Variants in PARP14 observed in about 807,000 individuals in gnomAD.
The protein encoded by PARP14 is protein mono-ADP-ribosyltransferase PARP14.
A neutral mutation model predicts 154.2 loss-of-function variants in PARP14; 59 were observed. The ratio of observed to expected loss-of-function variants is 0.38; its 90% CI spans 0.31 to 0.48. The LOEUF (loss-of-function observed/expected upper bound fraction) is 0.48. Ranked by LOEUF, PARP14 falls within the 20% of genes least tolerant of loss-of-function variation. The pLI, the probability that PARP14 is intolerant of heterozygous loss-of-function variation, is 0.98. For synonymous variants in PARP14, 720 were observed against 780.5 expected, an observed-to-expected ratio of 0.92 and a Z score of 1.29; for missense variants, 1,734 against 2,131.6, an observed-to-expected ratio of 0.81 and a Z score of 3.67.
At chr3:122,692,592 T>A (rs758937652) in intron 4 of PARP14, 49 bp downstream of exon 4, 6 of 1,515,022 alleles carry the variant, frequency 4.0e-6, no homozygotes, top group Non-Finnish European at 5.4e-6. Context: ...TACCACATCA[T>A]GAGACTTGAG....
rs1048817912 is a variant in PARP14, at chr3:122,700,048, G to T, written c.1494G>T (p.Glu498Asp). Residue 498 changes from glutamate to aspartate, a missense_variant, in exon 6 of 17, where the codon GAG (glutamate) becomes GAT (aspartate). Coordinates refer to ENST00000474629, the MANE Select transcript of PARP14 (RefSeq NM_017554.3). ...TACTCACGGAGTGCCCAGAGATAGA[G>T]ATTTGTTACGATAGAGTCACTCAAC... Reference protein sequence around the residue: ...DHLLTECPEIEICYDRVTQHL... With the variant: ...DHLLTECPEIDICYDRVTQHL... 6.2e-7 allele frequency: 1 copy of T among 1,613,944 alleles called. No homozygotes were observed. Among genetic ancestry groups the T allele is most frequent in the Non-Finnish European group, 8.5e-7 (1 of 1,179,850 alleles).
intron 9 of PARP14, among the ~76,000 whole-genome samples, chr3:122,709,417 G>A (rs1939253344): frequency 6.6e-6 from 1 of 152,154 alleles, no homozygotes; most frequent in Non-Finnish European, 1.5e-5. Context: ...GTATTCCATA[G>A]TGTATATACA....
At chr3:122,713,599 A>G (rs1576597209) in intron 10 of PARP14, 26 bp downstream of exon 10, 1 of 1,602,306 alleles carries the variant, frequency 6.2e-7, no homozygotes, top group East Asian at 2.2e-5. Flanking sequence ...TGATGAGTGC[A>G]ATAGTTAATG....
intron 8 of PARP14, among the ~76,000 whole-genome samples, chr3:122,706,287 A>G (rs1475186911): frequency 6.6e-6 from 1 of 152,152 alleles, no homozygotes; most frequent in Non-Finnish European, 1.5e-5. Context: ...TAGACTTTTA[A>G]AGACAGTTAA....
chr3:122,715,707 C>T (rs1197534401), intron 12 of PARP14, among the ~76,000 whole-genome samples: 1 of 151,920 alleles, frequency 6.6e-6, no homozygotes, highest in Admixed American at 6.6e-5. Context: ...TTTATGGACA[C>T]CCACCAATGA....
intron 4 of PARP14, among the ~76,000 whole-genome samples, chr3:122,692,875 C>T (rs1178018971): frequency 1.3e-5 from 2 of 152,044 alleles, no homozygotes; most frequent in African/African-American, 2.4e-5. Context: ...GTACAGGAGT[C>T]GGCTTTTTCA....
In PARP14 at chr3:122,704,577, C is replaced by T; in HGVS notation, c.3369C>T (p.Ser1123=). The T allele has an allele frequency of 1.2e-6, 2 of 1,609,226 alleles. No homozygotes were observed. Among genetic ancestry groups the T allele is most frequent in the Non-Finnish European group, 1.7e-6 (2 of 1,177,610 alleles). The change falls in exon 8 of 17, where the codon TCC becomes TCT. Residue 1123 remains serine (S), a synonymous_variant. Transcript: ENST00000474629. The stretch of plus-strand genomic sequence containing the variant: ...GTATGGAGATCACTGAGAGCTTGTC[C>T]TTAAAATCAATTGCATTTCCAGCAA... ...RECMEITESL[S]LKSIAFPAIG... is the part of the protein sequence containing the mutation.
Position 122,703,776 on chromosome 3 carries a change from TC to T in PARP14, c.3117del (p.Val1040CysfsTer54). 2 of 1,612,438 alleles carry T rather than the reference TC, an allele frequency of 1.2e-6. No individual in the cohort carries two copies. The highest frequency in any genetic ancestry group is 8.5e-7 in the Non-Finnish European group (1 of 1,178,970). Reference sequence around the variant, plus strand: ...GTTGTCAACTCCGTTCCCTTGGATCTCGTGCTTAGTAGAGGGCCTCTTTCTA... The same window carrying T: ...GTTGTCAACTCCGTTCCCTTGGATCTGTGCTTAGTAGAGGGCCTCTTTCTA... ...DVVVNSVPLD[L>X]VLSRGPLSKS... is the part of the protein sequence containing the mutation. On this transcript the variant is annotated frameshift_variant, in exon 7 of 17. Transcript: ENST00000474629. LOFTEE classifies it high-confidence loss of function.
At chr3:122,725,127 G>A (rs532166224) in intron 15 of PARP14, among the ~76,000 whole-genome samples, 6 of 152,052 alleles carry the variant, frequency 3.9e-5, no homozygotes, top group Non-Finnish European at 7.4e-5. Flanking sequence ...AACTGCCATC[G>A]TCATCATGGC....
intron 3 of PARP14, among the ~76,000 whole-genome samples, chr3:122,688,423 GT>G (rs1324194215): frequency 1.3e-5 from 2 of 152,216 alleles, no homozygotes; most frequent in Admixed American, 6.5e-5. Flanking sequence ...GAAAGCCCCA[GT>G]CCCCTTCCAC....
chr3:122,687,509 T>C (rs1938410380), intron 3 of PARP14, among the ~76,000 whole-genome samples: 1 of 152,188 alleles, frequency 6.6e-6, no homozygotes, highest in Non-Finnish European at 1.5e-5. Flanking sequence ...GCACTGGGTG[T>C]GAGGGTGCTG....
At chr3:122,711,156 G>A (rs1170767436) in intron 9 of PARP14, among the ~76,000 whole-genome samples, 1 of 152,106 alleles carries the variant, frequency 6.6e-6, no homozygotes, top group African/African-American at 2.4e-5. Context: ...GGGCATCCTT[G>A]TCTTGTTCCA....
chr3:122,695,728 T>C (rs1266186231), intron 5 of PARP14, 66 bp downstream of exon 5: 1 of 725,434 alleles, frequency 1.4e-6, no homozygotes, highest in Non-Finnish European at 2.4e-6. Context: ...TTAATAGTTA[T>C]AAATTTAGTT....
rs1379277210 is a variant in PARP14 at position 122,704,512 on chromosome 3, C to G, written c.3319-15C>G. ...TCTAGACAAGATGTATAAGGATGTGCTTTGTGCGTTTCAGATAATGGAAGA... is the reference window on the plus strand; with the variant it reads ...TCTAGACAAGATGTATAAGGATGTGGTTTGTGCGTTTCAGATAATGGAAGA... On this transcript the variant is annotated splice_polypyrimidine_tract_variant and intron_variant, in intron 7 of 16. Transcript: ENST00000474629. The G allele has an allele frequency of 6.7e-7, 1 of 1,500,932 alleles. No individual in the cohort carries two copies. The highest frequency in any genetic ancestry group is 1.4e-5 in the African/African-American group (1 of 72,758). 93.0% of individuals were successfully genotyped at this position (1,500,932 alleles called of 1,614,324 possible). A position where few individuals can be genotyped will look rare whatever the true frequency, so the allele number is the denominator to read the frequency against.
Position 122,700,211 on chromosome 3 carries a change from G to T in PARP14, c.1657G>T (p.Glu553Ter). The change falls in exon 6 of 17, where the codon GAA becomes TAA. Residue 553 changes from glutamate to a stop codon, truncating the protein, a stop_gained. Coordinates refer to ENST00000474629, the MANE Select transcript of PARP14 (RefSeq NM_017554.3). LOFTEE classifies it high-confidence loss of function. Reference protein sequence around the residue: ...FQFLQQVNWKEFSKCLFIAQK... With the variant: ...FQFLQQVNWK ...GTTTTTGCAACAGGTAAACTGGAAAGAATTCTCTAAGTGTCTTTTCATAGC... is the reference window on the plus strand; with the variant it reads ...GTTTTTGCAACAGGTAAACTGGAAATAATTCTCTAAGTGTCTTTTCATAGC... 1 of 1,611,720 alleles carries T rather than the reference G, an allele frequency of 6.2e-7. No homozygotes were observed. The highest frequency in any genetic ancestry group is 1.1e-5 in the South Asian group (1 of 90,742).
In PARP14 at chr3:122,699,476, T is replaced by G. The variant is rs866695309; in HGVS notation, c.922T>G (p.Leu308Val). Residue 308 changes from leucine to valine, a missense_variant, in exon 6 of 17, where the codon TTG (leucine) becomes GTG (valine). Transcript: ENST00000474629. ...ATACTATGCCTCATTGGGCACAGCC[T>G]TGTATGGAAAGGAGAAGCCTCTGAT... The part of the protein sequence containing the change: ...FPYYASLGTA[L>V]YGKEKPLIKL... 1 of 1,613,892 alleles carries G rather than the reference T, an allele frequency of 6.2e-7. No homozygotes were observed. The highest frequency in any genetic ancestry group is 1.7e-4 in the Middle Eastern group (1 of 6,060).
intron 3 of PARP14, among the ~76,000 whole-genome samples, chr3:122,688,688 G>T (rs1938450545): frequency 6.6e-6 from 1 of 152,164 alleles, no homozygotes; most frequent in African/African-American, 2.4e-5. Context: ...AGCAAAGTGT[G>T]GGTGGAGAAT....
At chr3:122,702,091 C>T (rs771845434) in intron 6 of PARP14, among the ~76,000 whole-genome samples, 17 of 152,160 alleles carry the variant, frequency 1.1e-4, no homozygotes, top group Non-Finnish European at 1.6e-4. Context: ...GGGCCATCAG[C>T]GCCCAACACC....
At chr3:122,707,153 T>C (rs997800328) in intron 8 of PARP14, among the ~76,000 whole-genome samples, 3 of 152,254 alleles carry the variant, frequency 2.0e-5, no homozygotes, top group Non-Finnish European at 2.9e-5. Context: ...GAGCGGTGGC[T>C]CATGCCTGTA....
Sources: gnomAD v4.1 joint callset for allele counts (sites outside exome capture counted in the v4.1 genomes callset) on GRCh38, gnomAD v4.1.1 for gene constraint, MANE v1.5 for transcripts, NCBI Gene and HGNC (gene_info 2026-07-23, HGNC 2026-07-21) for gene names.